The following BTRC variants were observed in gnomAD, a reference collection of about 807,000 sequenced individuals.
BTRC encodes F-box/WD repeat-containing protein 1A.
A neutral mutation model predicts 85.5 loss-of-function variants in BTRC; 42 were observed. The observed-to-expected ratio is 0.49, with a 90% CI of 0.38 to 0.64. The LOEUF (loss-of-function observed/expected upper bound fraction) is 0.64, where lower values mean the gene tolerates loss of function less well. Among genes scored for constraint, BTRC ranks in the 30% least tolerant of loss-of-function variants. The pLI is 0.00. For synonymous variants in BTRC, 255 were observed against 263.3 expected (o/e 0.97, Z 0.30); for missense variants, 594 against 743.5 (o/e 0.80, Z 2.34).
chr10:101,409,031 A>C (rs534679242), intron 1 of BTRC, among the ~76,000 whole-genome samples: 1 of 152,180 alleles, frequency 6.6e-6, no homozygotes, highest in Non-Finnish European at 1.5e-5. Flanking sequence ...CCTGGGCGAC[A>C]AGAGCAAAAC....
chr10:101,373,512 T>C (rs1383328740), intron 1 of BTRC, among the ~76,000 whole-genome samples: 1 of 151,992 alleles, frequency 6.6e-6, no homozygotes, highest in Non-Finnish European at 1.5e-5. Flanking sequence ...AATTAGAGGG[T>C]TATCAAAGCA....
rs935408436 is a variant in BTRC at position 101,360,335 on chromosome 10, G to C, written c.48+6107G>C. On this transcript the variant is annotated intron_variant, in intron 1 of 14. Coordinates refer to ENST00000370187, the MANE Select transcript of BTRC (RefSeq NM_033637.4). ...CTCCCAAAGTGCTGGGATTACAGGC[G>C]TGAGTCACTATGCCTGGCCTAGAGA... Among the ~76,000 whole-genome samples, 3 of 145,274 alleles carry C rather than the reference G, an allele frequency of 2.1e-5. No homozygotes were observed. In the South Asian group the frequency reaches 6.6e-4, roughly 32 times the overall value.
chr10:101,525,995 T>G lies in BTRC; in HGVS notation c.557-18T>G. 1 of 1,610,112 alleles carries G rather than the reference T, an allele frequency of 6.2e-7. No individual in the cohort carries two copies. Among genetic ancestry groups the G allele is most frequent in the East Asian group, 2.2e-5 (1 of 44,820 alleles). ...ACCTTCTGTGTTCTTTTTCTTTGCC[T>G]CCTCCCCCTACTGAAAGCTCGGGGA... On this transcript the variant is annotated intron_variant, in intron 5 of 14. Transcript: ENST00000370187.
In BTRC at chr10:101,554,898, A is replaced by G. The variant is rs2062706152; in HGVS notation, c.*1775A>G. 1.3e-5 allele frequency: 2 copies of G among 152,220 alleles called. No individual in the cohort carries two copies. Among genetic ancestry groups the G allele is most frequent in the South Asian group, 2.1e-4 (1 of 4,838 alleles). The allele number at this position is 152,220 out of a possible 1,614,324, so 9.4% of individuals were successfully genotyped here. A position where few individuals can be genotyped will look rare whatever the true frequency, so the allele number is the denominator to read the frequency against. On this transcript the variant is annotated 3_prime_UTR_variant, in exon 15 of 15. Transcript: ENST00000370187. ...GGTGTACCCACTGAATGTTGTTACT[A>G]CATATTGAGAGTCATTTTATGCATA...
intron 13 of BTRC, among the ~76,000 whole-genome samples, chr10:101,543,639 G>C (rs1402434460): frequency 6.9e-6 from 1 of 145,974 alleles, no homozygotes; most frequent in Non-Finnish European, 1.5e-5. Flanking sequence ...TTTTATCTCA[G>C]TTTAGCTCCT....
rs972551584 is a variant in BTRC at position 101,541,724 on chromosome 10, A to G, written c.1656+3353A>G. Among the ~76,000 whole-genome samples the G allele has an allele frequency of 8.5e-5, 13 of 152,294 alleles. No individual in the cohort carries two copies. The East Asian group carries it at 2.1e-3, about 25-fold the overall frequency. On this transcript the variant is annotated intron_variant, in intron 13 of 14. Transcript: ENST00000370187. ...TTTCACTTTTATTCTGTTAATTGGT[A>G]TATTACATTGAATTTTTTTTAGCTT... is the stretch of plus-strand genomic sequence containing the variant.
intron 13 of BTRC, among the ~76,000 whole-genome samples, chr10:101,544,112 T>C (rs2062520415): frequency 6.6e-6 from 1 of 152,256 alleles, no homozygotes; most frequent in South Asian, 2.1e-4. Context: ...GATTTCACCA[T>C]GTTAGCCAAG....
At chr10:101,506,470 A>G (rs1367326796) in intron 4 of BTRC, among the ~76,000 whole-genome samples, 1 of 152,060 alleles carries the variant, frequency 6.6e-6, no homozygotes, top group Non-Finnish European at 1.5e-5. Flanking sequence ...TTTTATACAG[A>G]TTTGTTTTCA....
intron 11 of BTRC, 51 bp from the exon 12 acceptor site, chr10:101,536,492 G>C: frequency 1.4e-6 from 2 of 1,391,642 alleles, no homozygotes; most frequent in Non-Finnish European, 2.0e-6. Context: ...TAACATTCCA[G>C]GCTTAGAAAA....
intron 12 of BTRC, among the ~76,000 whole-genome samples, chr10:101,537,074 G>A (rs2062397819): frequency 6.6e-6 from 1 of 152,164 alleles, no homozygotes. Context: ...ATCTCTTTGA[G>A]TAATTTTTAA....
chr10:101,546,581 A>C (rs1252434078), intron 13 of BTRC, among the ~76,000 whole-genome samples: 1 of 152,236 alleles, frequency 6.6e-6, no homozygotes, highest in African/African-American at 2.4e-5. Flanking sequence ...CACTGAATGC[A>C]TATCTTAGAA....
At chr10:101,456,544 G>GT (rs112996240) in intron 2 of BTRC, among the ~76,000 whole-genome samples, 49,957 of 152,064 alleles carry the variant, frequency 0.33, 10,768 homozygotes, top group East Asian at 0.67. Flanking sequence ...TTTTGAGACA[G>GT]TTTAAGCTTA....
At chr10:101,407,967 C>G (rs1310183563) in intron 1 of BTRC, among the ~76,000 whole-genome samples, 1 of 152,058 alleles carries the variant, frequency 6.6e-6, no homozygotes, top group Non-Finnish European at 1.5e-5. Flanking sequence ...CATGATCTGC[C>G]CACCTCGGCC....
At chr10:101,366,562 A>G (rs965815265) in intron 1 of BTRC, among the ~76,000 whole-genome samples, 1 of 151,162 alleles carries the variant, frequency 6.6e-6, no homozygotes, top group Non-Finnish European at 1.5e-5. Flanking sequence ...AAAGTTTTGT[A>G]TTGGACCTTG....
chr10:101,464,287 A>G lies in BTRC; in HGVS notation c.234+2229A>G, dbSNP rs1024270930. ...AAATTAAACTAAATTTATCTCTCTC[A>G]TACTTCAAACTGAAGCAAGAGAGAG... On this transcript the variant is annotated intron_variant, in intron 3 of 14. Transcript: ENST00000370187. Among the ~76,000 whole-genome samples, 23 of 152,308 alleles carry G rather than the reference A, an allele frequency of 1.5e-4. No homozygotes were observed. The South Asian group carries it at 2.1e-3, about 14-fold the overall frequency.
intron 1 of BTRC, among the ~76,000 whole-genome samples, chr10:101,418,822 A>G (rs1231036860): frequency 1.3e-5 from 2 of 152,136 alleles, no homozygotes; most frequent in East Asian, 3.8e-4. Context: ...CAAGCCCAGC[A>G]TGCATCAGCT....
chr10:101,422,943 G>A lies in BTRC; in HGVS notation c.49-7402G>A, dbSNP rs192593225. ...GTTCTTTTGGCTTAGGATTGACTTG[G>A]CAATGCGGGCTCTTTTTTGGTTCCA... On this transcript the variant is annotated intron_variant, in intron 1 of 14. Transcript: ENST00000370187. Among the ~76,000 whole-genome samples the A allele has an allele frequency of 4.4e-3, 675 of 152,230 alleles. 9 individuals carry two copies. The highest frequency in any genetic ancestry group is 0.015 in the African/African-American group (641 of 41,534).
rs564773190 is a variant in BTRC, at chr10:101,480,734, T to G, written c.324+1277T>G. Among the ~76,000 whole-genome samples the G allele has an allele frequency of 2.6e-5, 4 of 152,092 alleles. No individual in the cohort carries two copies. The South Asian group carries it at 8.3e-4, about 32-fold the overall frequency. On this transcript the variant is annotated intron_variant, in intron 4 of 14. Transcript: ENST00000370187. ...ATCACACAAAATATAACCATCGAAATCATACATATAAGAAATATCAGAATT... is the reference window on the plus strand; with the variant it reads ...ATCACACAAAATATAACCATCGAAAGCATACATATAAGAAATATCAGAATT...
chr10:101,391,650 C>T (rs957870956), intron 1 of BTRC, among the ~76,000 whole-genome samples: 4 of 152,136 alleles, frequency 2.6e-5, no homozygotes, highest in African/African-American at 9.7e-5. Context: ...GGGAAATTTG[C>T]TCTCTAGAAC....
Sources: gnomAD v4.1 joint callset for allele counts (sites outside exome capture counted in the v4.1 genomes callset) on GRCh38, gnomAD v4.1.1 for gene constraint, MANE v1.5 for transcripts, NCBI Gene and HGNC (gene_info 2026-07-23, HGNC 2026-07-21) for gene names.